Variants in CTNNA1 observed in about 807,000 individuals in gnomAD.
CTNNA1 encodes catenin alpha 1, also known as catenin alpha-1.
Under a neutral mutation model 98.4 loss-of-function variants are expected in CTNNA1, and 37 were observed. The ratio of observed to expected loss-of-function variants is 0.38; its 90% confidence interval spans 0.29 to 0.49. The LOEUF (loss-of-function observed/expected upper bound fraction) is 0.49. CTNNA1 is among the 20% of genes least tolerant of loss of function. CTNNA1 has a pLI of 0.95. For synonymous variants in CTNNA1, 404 were observed against 413.2 expected (o/e 0.98, Z 0.27); for missense variants, 761 against 1,147.2 (o/e 0.66, Z 4.86).
intron 5 of CTNNA1, among the ~76,000 whole-genome samples, chr5:138,821,762 G>C (rs915396257): frequency 5.9e-5 from 9 of 152,180 alleles, no homozygotes; most frequent in African/African-American, 2.2e-4. Flanking sequence ...CCATCACTGG[G>C]TTGGTGAAGT....
chr5:138,767,381 T>C (rs1462449387), intron 1 of CTNNA1, among the ~76,000 whole-genome samples: 1 of 152,154 alleles, frequency 6.6e-6, no homozygotes, highest in African/African-American at 2.4e-5. Context: ...CACTTCACTG[T>C]GCATCCTCTA....
In CTNNA1 at chr5:138,842,057, T is replaced by G. The variant is rs149277899; in HGVS notation, c.1062+14339T>G. Among the ~76,000 whole-genome samples, 608 of 152,332 alleles carry G rather than the reference T, an allele frequency of 4.0e-3. 8 individuals carry two copies. Among genetic ancestry groups the G allele is most frequent in the African/African-American group, 0.013 (531 of 41,568 alleles). On this transcript the variant is annotated intron_variant, in intron 7 of 17. Transcript: ENST00000302763. ...TGTCTGTAAGAATATTGCTTACTAT[T>G]TCCTGGTATAAAATGACCTGAGATA...
At chr5:138,922,930 TAA>T (rs34458033) in intron 11 of CTNNA1, among the ~76,000 whole-genome samples, 23 of 142,752 alleles carry the variant, frequency 1.6e-4, no homozygotes, top group South Asian at 4.5e-4. Context: ...CTAAATGGAT[TAA>T]AAAAAAAAAA....
intron 7 of CTNNA1, among the ~76,000 whole-genome samples, chr5:138,863,741 G>C (rs1288524433): frequency 6.6e-6 from 1 of 152,220 alleles, no homozygotes; most frequent in Non-Finnish European, 1.5e-5. Flanking sequence ...TCGCAAGGCT[G>C]ATTGAGGTGG....
chr5:138,919,690 A>G (rs137861491), intron 11 of CTNNA1, among the ~76,000 whole-genome samples: 6 of 152,228 alleles, frequency 3.9e-5, no homozygotes, highest in African/African-American at 1.4e-4. Context: ...TCATGGAACA[A>G]TTCTTTCAGT....
intron 7 of CTNNA1, among the ~76,000 whole-genome samples, chr5:138,882,414 T>A (rs2149999863): frequency 6.6e-6 from 1 of 152,310 alleles, no homozygotes; most frequent in South Asian, 2.1e-4. Context: ...AATGACCAGG[T>A]TCCATAGGGA....
chr5:138,840,518 G>T (rs1293476957), intron 7 of CTNNA1, among the ~76,000 whole-genome samples: 1 of 152,108 alleles, frequency 6.6e-6, no homozygotes, highest in Non-Finnish European at 1.5e-5. Context: ...TATTCTTTTT[G>T]GCCCAAGGAG....
At chr5:138,924,096 G>A (rs1039923395) in intron 11 of CTNNA1, among the ~76,000 whole-genome samples, 1 of 152,218 alleles carries the variant, frequency 6.6e-6, no homozygotes, top group Non-Finnish European at 1.5e-5. Context: ...GAAGGAGAGG[G>A]AGAGGGGACA....
At chr5:138,784,050 A>C (rs903292739) in intron 3 of CTNNA1, among the ~76,000 whole-genome samples, 1 of 152,214 alleles carries the variant, frequency 6.6e-6, no homozygotes, top group African/African-American at 2.4e-5. Flanking sequence ...TAAATACGGA[A>C]GATAAACTTC....
At chr5:138,927,774 G>A (rs1764451782) in intron 13 of CTNNA1, among the ~76,000 whole-genome samples, 2 of 152,102 alleles carry the variant, frequency 1.3e-5, no homozygotes, top group Non-Finnish European at 2.9e-5. Context: ...TGGCAAGAAC[G>A]GTTCTTGGGT....
At position 138,816,996 on chromosome 5, in the gene CTNNA1, C is replaced by T. The variant is rs573218494; in HGVS notation, c.588+4694C>T. The stretch of plus-strand genomic sequence containing the variant: ...GATTACAGGTGTGACCCACCGTGCC[C>T]GGCTACATTTGCCCATTTTAAAATC... On this transcript the variant is annotated intron_variant, in intron 5 of 17. Transcript: ENST00000302763. 3.3e-4 allele frequency among the ~76,000 whole-genome samples: 51 copies of T among 152,266 alleles called. No individual in the cohort carries two copies. In the South Asian group the frequency reaches 7.5e-3, roughly 22 times the overall value.
intron 5 of CTNNA1, among the ~76,000 whole-genome samples, chr5:138,814,638 T>G (rs916726789): frequency 3.3e-5 from 5 of 152,244 alleles, no homozygotes; most frequent in Non-Finnish European, 7.3e-5. Context: ...CCTACTGGTT[T>G]AAAACGTAGT....
chr5:138,839,415 G>A (rs1397489355), intron 7 of CTNNA1, among the ~76,000 whole-genome samples: 1 of 151,966 alleles, frequency 6.6e-6, no homozygotes, highest in Admixed American at 6.6e-5. Context: ...TGGCCAGGCT[G>A]GTCTCTAACT....
intron 1 of CTNNA1, among the ~76,000 whole-genome samples, chr5:138,760,505 CAGGTGTGCGCCACT>C (rs2149576819): frequency 6.6e-6 from 1 of 151,854 alleles, no homozygotes; most frequent in Admixed American, 6.6e-5. Context: ...GCTGGGATTA[CAGGTGTGCGCCACT>C]ACCACCCGGC....
At chr5:138,754,207 G>C (rs903892058) in intron 1 of CTNNA1, 10 of 150,164 alleles carry the variant, frequency 6.7e-5, no homozygotes, top group African/African-American at 9.8e-5. Context: ...TTCAGCCCTA[G>C]TTTTCAGGAG....
chr5:138,771,974 G>T (rs1753603466), intron 1 of CTNNA1, among the ~76,000 whole-genome samples: 1 of 152,106 alleles, frequency 6.6e-6, no homozygotes, highest in South Asian at 2.1e-4. Context: ...GTCTAAATCT[G>T]CCACAATATA....
At chr5:138,902,810 A>G (rs978680748) in intron 9 of CTNNA1, among the ~76,000 whole-genome samples, 1 of 152,242 alleles carries the variant, frequency 6.6e-6, no homozygotes, top group African/African-American at 2.4e-5. Flanking sequence ...GTCTTAAGGC[A>G]GTGAAGCAAT....
intron 1 of CTNNA1, among the ~76,000 whole-genome samples, chr5:138,768,410 C>A (rs1011294608): frequency 6.6e-6 from 1 of 151,866 alleles, no homozygotes; most frequent in African/African-American, 2.4e-5. Context: ...AGGTGCACAC[C>A]ACCACACCCA....
chr5:138,865,145 G>T (rs1032430550), intron 7 of CTNNA1, among the ~76,000 whole-genome samples: 1 of 152,144 alleles, frequency 6.6e-6, no homozygotes, highest in African/African-American at 2.4e-5. Context: ...TGTACTCCTC[G>T]TGTAGAAGAT....
Sources: gnomAD v4.1 joint callset for allele counts (sites outside exome capture counted in the v4.1 genomes callset) on GRCh38, gnomAD v4.1.1 for gene constraint, MANE v1.5 for transcripts, NCBI Gene and HGNC (gene_info 2026-07-23, HGNC 2026-07-21) for gene names.